FAF1: variants seen among roughly 807,000 people sequenced by gnomAD.
The protein encoded by FAF1 is Fas associated factor 1, also known as FAS-associated factor 1.
In FAF1, 25 loss-of-function variants were observed where a neutral mutation model predicts 92.5. The observed-to-expected ratio is 0.27, with a 90% CI of 0.20 to 0.38. The LOEUF is 0.38. Ranked by LOEUF, FAF1 falls within the 10% of genes least tolerant of loss-of-function variation. The probability of loss-of-function intolerance (pLI) is 1.00; values close to 1 mark genes in which losing one functional copy is unlikely to be tolerated. For synonymous variants in FAF1, 234 were observed against 273.2 expected (o/e 0.86, Z 1.42); for missense variants, 636 against 793.3 (o/e 0.80, Z 2.38).
intron 2 of FAF1, among the ~76,000 whole-genome samples, chr1:50,819,465 T>TA (rs35111665): frequency 0.3 from 43,318 of 142,078 alleles, 6,730 homozygotes; most frequent in Middle Eastern, 0.47. Context: ...ATTTAAAAAT[T>TA]AAAAAAAAAA....
chr1:50,727,050 C>T (rs1342024724), intron 6 of FAF1, among the ~76,000 whole-genome samples: 1 of 152,192 alleles, frequency 6.6e-6, no homozygotes, highest in African/African-American at 2.4e-5. Flanking sequence ...TTGGCACTAG[C>T]CATACCCCCA....
intron 7 of FAF1, among the ~76,000 whole-genome samples, chr1:50,672,409 G>C (rs2124343469): frequency 6.6e-6 from 1 of 152,138 alleles, no homozygotes; most frequent in Non-Finnish European, 1.5e-5. Context: ...CTGGAGGTGG[G>C]ATGGGGGAGG....
intron 18 of FAF1, among the ~76,000 whole-genome samples, chr1:50,465,193 G>C (rs1646479550): frequency 6.6e-6 from 1 of 152,190 alleles, no homozygotes; most frequent in South Asian, 2.1e-4. Context: ...TGCAGTTTCA[G>C]TTTTGAAGCT....
At chr1:50,624,897 C>CTTTTTT (rs34177866) in intron 8 of FAF1, among the ~76,000 whole-genome samples, 13 of 124,770 alleles carry the variant, frequency 1.0e-4, no homozygotes, top group African/African-American at 3.4e-4. Context: ...ATCCCACACT[C>CTTTTTT]TTTTTTTTTT....
At chr1:50,823,111 C>G (rs930662563) in intron 2 of FAF1, among the ~76,000 whole-genome samples, 13 of 152,128 alleles carry the variant, frequency 8.5e-5, no homozygotes, top group Non-Finnish European at 1.6e-4. Flanking sequence ...GTTAGACATC[C>G]CGCAGTATGC....
At chr1:50,507,575 A>G (rs182185111) in intron 15 of FAF1, among the ~76,000 whole-genome samples, 209 of 152,290 alleles carry the variant, frequency 1.4e-3, no homozygotes, top group South Asian at 9.3e-3. Flanking sequence ...CCCATAAAAA[A>G]TAATTTAAAA....
intron 9 of FAF1, among the ~76,000 whole-genome samples, chr1:50,589,077 C>T (rs542393419): frequency 6.6e-6 from 1 of 152,222 alleles, no homozygotes; most frequent in African/African-American, 2.4e-5. Flanking sequence ...GTGGTAGGGG[C>T]AGGAGCCAAG....
chr1:50,503,517 C>A (rs569452676), intron 15 of FAF1, among the ~76,000 whole-genome samples: 28 of 151,622 alleles, frequency 1.8e-4, no homozygotes, highest in Admixed American at 1.1e-3. Context: ...GCTATAGGAG[C>A]CTGAGGAGAC....
At chr1:50,506,993 G>A (rs1365925160) in intron 15 of FAF1, among the ~76,000 whole-genome samples, 1 of 152,186 alleles carries the variant, frequency 6.6e-6, no homozygotes, top group Non-Finnish European at 1.5e-5. Context: ...AATGATAATA[G>A]GGAGGAATGG....
At chr1:50,941,898 AT>A (rs1557598085) in intron 1 of FAF1, among the ~76,000 whole-genome samples, 3 of 152,240 alleles carry the variant, frequency 2.0e-5, no homozygotes, top group South Asian at 2.1e-4. Context: ...GATTTTTAAT[AT>A]TTTTTAAAAC....
intron 4 of FAF1, among the ~76,000 whole-genome samples, chr1:50,752,797 C>T (rs575571158): frequency 1.3e-5 from 2 of 152,126 alleles, no homozygotes; most frequent in Non-Finnish European, 2.9e-5. Flanking sequence ...ATTCTCCCGC[C>T]TCAGCCTCCA....
At chr1:50,793,065 G>C (rs75880632) in intron 3 of FAF1, among the ~76,000 whole-genome samples, 3,036 of 152,220 alleles carry the variant, frequency 0.02, 99 homozygotes, top group African/African-American at 0.07. Context: ...TTAAAGGTCA[G>C]TCTACTAAAA....
chr1:50,469,440 A>C (rs978098053), intron 18 of FAF1: 1 of 152,288 alleles, frequency 6.6e-6, no homozygotes, highest in East Asian at 1.9e-4. Context: ...TCTTTCAGTC[A>C]AGCAGTTTAT....
chr1:50,937,000 G>C (rs1645090281), intron 1 of FAF1, among the ~76,000 whole-genome samples: 1 of 152,078 alleles, frequency 6.6e-6, no homozygotes, highest in Non-Finnish European at 1.5e-5. Context: ...AATTCCTACA[G>C]AGAATCATCT....
intron 2 of FAF1, among the ~76,000 whole-genome samples, chr1:50,817,105 T>C (rs1643984532): frequency 6.6e-6 from 1 of 152,286 alleles, no homozygotes. Flanking sequence ...TATTTTGAAG[T>C]CGGGTAATGT....
chr1:50,836,951 CTTTTTTTTT>C (rs528322924), intron 2 of FAF1, among the ~76,000 whole-genome samples: 2 of 76,706 alleles, frequency 2.6e-5, no homozygotes. Flanking sequence ...TGTTATGTTT[CTTTTTTTTT>C]TTTTTTTTTT....
chr1:50,457,724 CAAAAAAA>C (rs35479561), intron 18 of FAF1, among the ~76,000 whole-genome samples: 1 of 56,562 alleles, frequency 1.8e-5, no homozygotes, highest in Non-Finnish European at 3.0e-5. Flanking sequence ...CCCATCTCTG[CAAAAAAA>C]AAAAAAAAAA....
chr1:50,861,695 C>T lies in FAF1; in HGVS notation c.46-3698G>A, dbSNP rs1329963336. Among the ~76,000 whole-genome samples, 4 of 151,576 alleles carry T rather than the reference C, an allele frequency of 2.6e-5. No individual in the cohort carries two copies. The East Asian group carries it at 7.8e-4, about 29-fold the overall frequency. On this transcript the variant is annotated intron_variant, in intron 1 of 18. Transcript: ENST00000396153. ...CATAACTGCACTTGTATTCCTAAGT[C>T]CATAAAAATAAAAAGTTATTTAAAA... is the stretch of plus-strand genomic sequence containing the variant.
chr1:50,548,375 T>C (rs1649134987), intron 13 of FAF1, among the ~76,000 whole-genome samples: 1 of 152,212 alleles, frequency 6.6e-6, no homozygotes, highest in African/African-American at 2.4e-5. Flanking sequence ...GTGCAACTCC[T>C]AGGACAGCTA....
Sources: gnomAD v4.1 joint callset for allele counts (sites outside exome capture counted in the v4.1 genomes callset) on GRCh38, gnomAD v4.1.1 for gene constraint, MANE v1.5 for transcripts, NCBI Gene and HGNC (gene_info 2026-07-23, HGNC 2026-07-21) for gene names.